The following KCNN2 variants were observed in gnomAD, a reference collection of about 807,000 sequenced individuals.
KCNN2 encodes the protein small conductance calcium-activated potassium channel protein 2.
In KCNN2, 24 loss-of-function variants were observed where a neutral mutation model predicts 55.5. That is an observed-to-expected ratio of 0.43 (90% confidence interval 0.31 to 0.61). KCNN2 has a LOEUF of 0.61. Among genes scored for constraint, KCNN2 ranks in the 20% least tolerant of loss-of-function variants. The pLI, the probability that KCNN2 is intolerant of heterozygous loss-of-function variation, is 0.08. For missense variants in KCNN2, 754 were observed against 853.6 expected (o/e 0.88, Z 1.45); for synonymous variants, 431 against 336.1 (o/e 1.28, Z -3.09).
chr5:114,119,815 C>T lies in KCNN2; in HGVS notation c.-271+63315C>T, dbSNP rs114150121. Among the ~76,000 whole-genome samples the T allele has an allele frequency of 1.6e-3, 236 of 152,114 alleles. 1 individual carries two copies. Among genetic ancestry groups the T allele is most frequent in the African/African-American group, 5.5e-3 (229 of 41,508 alleles). The stretch of plus-strand genomic sequence containing the variant: ...ATCACTAAGCAAAGTGACTATAGCC[C>T]AAAGGTTCTGACTATCTGCGTGGCT... On this transcript the variant is annotated intron_variant, in intron 1 of 10. Transcript: ENST00000512097.
At chr5:114,224,424 A>G (rs1754202182) in intron 2 of KCNN2, among the ~76,000 whole-genome samples, 1 of 152,226 alleles carries the variant, frequency 6.6e-6, no homozygotes, top group African/African-American at 2.4e-5. Flanking sequence ...AGCTAAACAT[A>G]TGCATGTATT....
At position 114,362,275 on chromosome 5, in the gene KCNN2, C is replaced by A; in HGVS notation, c.136C>A (p.His46Asn). The A allele has an allele frequency of 5.5e-6, 1 of 182,410 alleles. No individual in the cohort carries two copies. Among genetic ancestry groups the A allele is most frequent in the Non-Finnish European group, 1.1e-5 (1 of 88,514 alleles). The allele number at this position is 182,410 out of a possible 1,614,324, so 11.3% of individuals were successfully genotyped here. The change falls in exon 1 of 8, where the codon CAC (histidine) becomes AAC (asparagine). Residue 46 changes from histidine (H) to asparagine (N), a missense_variant. Physicochemically the swap from His to Asn is moderately conservative, Grantham distance 68. This residue lies in a region of KCNN2 where 381 missense variants were observed against 259.1 expected (regional missense o/e 1.47). Transcript: ENST00000673685. Reference protein sequence around the residue: ...KPCPPFAPLPHPHHHPHLAHQ... With the variant: ...KPCPPFAPLPNPHHHPHLAHQ... The stretch of plus-strand genomic sequence containing the variant: ...GTGCCCGCCCTTCGCGCCCCTCCCG[C>A]ACCCTCACCACCACCCGCACCTCGC...
chr5:114,187,425 A>G (rs556973490), intron 1 of KCNN2, among the ~76,000 whole-genome samples: 8 of 151,802 alleles, frequency 5.3e-5, no homozygotes, highest in Non-Finnish European at 1.0e-4. Context: ...GATGGAAAGT[A>G]TCCTAGATTC....
intron 2 of KCNN2, among the ~76,000 whole-genome samples, chr5:114,227,460 C>T (rs893641870): frequency 6.6e-6 from 1 of 152,166 alleles, no homozygotes; most frequent in African/African-American, 2.4e-5. Context: ...ACTCTTACCC[C>T]CTTCTGGCTT....
At chr5:114,266,756 T>C (rs1755214620) in intron 2 of KCNN2, among the ~76,000 whole-genome samples, 1 of 152,166 alleles carries the variant, frequency 6.6e-6, no homozygotes, top group South Asian at 2.1e-4. Flanking sequence ...GAGGGGAACA[T>C]ACTCTAGCAT....
chr5:114,466,660 T>C (rs1041494849), intron 4 of KCNN2, among the ~76,000 whole-genome samples: 4 of 152,196 alleles, frequency 2.6e-5, no homozygotes, highest in Non-Finnish European at 4.4e-5. Context: ...ACAGTGACTC[T>C]TGGTGGCCTT....
intron 1 of KCNN2, among the ~76,000 whole-genome samples, chr5:114,183,041 T>A (rs77954119): frequency 1.3e-5 from 2 of 152,104 alleles, no homozygotes; most frequent in African/African-American, 2.4e-5. Flanking sequence ...GAACTTACTT[T>A]CTGTTCCTGG....
In KCNN2 at chr5:114,191,538, A is replaced by C. The variant is rs115369993; in HGVS notation, c.-270-29942A>C. ...AAGTGGTTCGTTTAAGTAATAAAAA[A>C]ATTATAATTTAAGTCATAAACATTT... On this transcript the variant is annotated intron_variant, in intron 1 of 10. Coordinates refer to the KCNN2 transcript ENST00000512097. Among the ~76,000 whole-genome samples, 218 of 152,286 alleles carry C rather than the reference A, an allele frequency of 1.4e-3. 1 individual carries two copies. The highest frequency in any genetic ancestry group is 5.1e-3 in the African/African-American group (213 of 41,562).
intron 1 of KCNN2, among the ~76,000 whole-genome samples, chr5:114,213,829 A>G (rs1298811275): frequency 6.6e-6 from 1 of 152,224 alleles, no homozygotes; most frequent in East Asian, 1.9e-4. Context: ...CAGCACAAGT[A>G]GTAACCTCTA....
At chr5:114,141,383 GT>G (rs909523673) in intron 1 of KCNN2, among the ~76,000 whole-genome samples, 1 of 150,472 alleles carries the variant, frequency 6.6e-6, no homozygotes, top group South Asian at 2.1e-4. Context: ...CGCGGAGTTT[GT>G]TTTTTTTTGT....
chr5:114,428,412 T>C (rs1759690783), intron 3 of KCNN2, among the ~76,000 whole-genome samples: 1 of 152,286 alleles, frequency 6.6e-6, no homozygotes, highest in East Asian at 1.9e-4. Context: ...TGATATCTCC[T>C]AAAGTATAAT....
At chr5:114,326,355 G>T (rs1274783376) in intron 2 of KCNN2, among the ~76,000 whole-genome samples, 1 of 152,164 alleles carries the variant, frequency 6.6e-6, no homozygotes, top group Non-Finnish European at 1.5e-5. Flanking sequence ...GCGATCTGAG[G>T]GCAGTAAGAA....
intron 1 of KCNN2, among the ~76,000 whole-genome samples, chr5:114,127,077 G>A (rs925695787): frequency 1.2e-4 from 18 of 152,134 alleles, no homozygotes; most frequent in African/African-American, 4.1e-4. Flanking sequence ...CCTCCCTTCC[G>A]GTTGCTTTCA....
chr5:114,177,498 CAT>C (rs35297904), intron 1 of KCNN2, among the ~76,000 whole-genome samples: 6 of 151,054 alleles, frequency 4.0e-5, no homozygotes, highest in Non-Finnish European at 1.5e-5. Flanking sequence ...TCTATATATC[CAT>C]ATATATATAT....
chr5:114,261,342 C>A (rs1294741590), intron 2 of KCNN2, among the ~76,000 whole-genome samples: 1 of 152,182 alleles, frequency 6.6e-6, no homozygotes, highest in Non-Finnish European at 1.5e-5. Flanking sequence ...AACCCACAGC[C>A]CAACACAGCA....
intron 2 of KCNN2, among the ~76,000 whole-genome samples, chr5:114,341,168 A>G (rs1006480315): frequency 6.6e-6 from 1 of 152,212 alleles, no homozygotes; most frequent in African/African-American, 2.4e-5. Flanking sequence ...ATTTACAATT[A>G]AAAAGACTGA....
chr5:114,188,011 C>G (rs1459371282), intron 1 of KCNN2, among the ~76,000 whole-genome samples: 1 of 151,956 alleles, frequency 6.6e-6, no homozygotes, highest in African/African-American at 2.4e-5. Context: ...ATGGGTTTCT[C>G]CATGTTGGTC....
chr5:114,210,862 G>C (rs763239142), intron 1 of KCNN2, among the ~76,000 whole-genome samples: 2 of 152,236 alleles, frequency 1.3e-5, no homozygotes, highest in Middle Eastern at 3.4e-3. Context: ...TTTGTTCACT[G>C]AATGTGAGGG....
intron 2 of KCNN2, among the ~76,000 whole-genome samples, chr5:114,322,576 T>TAC (rs113249707): frequency 0.33 from 49,568 of 148,500 alleles, 8,262 homozygotes; most frequent in Non-Finnish European, 0.37. Context: ...CACTCCCCCA[T>TAC]ACACACACAC....
Sources: gnomAD v4.1 joint callset for allele counts (sites outside exome capture counted in the v4.1 genomes callset) on GRCh38, gnomAD v4.1.1 for gene constraint, gnomAD v4.1.1 regional missense constraint, MANE v1.5 for transcripts, NCBI Gene and HGNC (gene_info 2026-07-23, HGNC 2026-07-21) for gene names.